Variants in NRXN1 observed in about 807,000 individuals in gnomAD.
NRXN1 encodes the protein neurexin-1.
A neutral mutation model predicts 150.9 loss-of-function variants in NRXN1; 39 were observed. The observed-to-expected ratio is 0.26, with a 90% CI of 0.20 to 0.34. NRXN1 has a LOEUF of 0.34. NRXN1 is among the 10% of genes least tolerant of loss of function. NRXN1 has a pLI of 1.00. For synonymous variants in NRXN1, 924 were observed against 757.0 expected (o/e 1.22, Z -3.62); for missense variants, 1,815 against 1,949.9 (o/e 0.93, Z 1.30).
chr2:50,857,087 T>C (rs1391652961), intron 5 of NRXN1, among the ~76,000 whole-genome samples: 3 of 152,158 alleles, frequency 2.0e-5, no homozygotes, highest in African/African-American at 7.2e-5. Flanking sequence ...ACAGAAGAGC[T>C]TGCATTTTAG....
At chr2:49,945,174 G>C (rs1672672637) in intron 21 of NRXN1, 3 of 152,086 alleles carry the variant, frequency 2.0e-5, no homozygotes, top group African/African-American at 7.2e-5. Flanking sequence ...GAGACAATTG[G>C]GAGAGTTTCT....
intron 5 of NRXN1, among the ~76,000 whole-genome samples, chr2:50,915,750 T>A (rs963205115): frequency 6.6e-5 from 10 of 151,338 alleles, no homozygotes; most frequent in Non-Finnish European, 1.3e-4. Flanking sequence ...TTTAAAATCA[T>A]TTAATCCAAA....
chr2:49,974,025 T>C (rs1302713016), intron 21 of NRXN1: 1 of 717,318 alleles, frequency 1.4e-6, no homozygotes, highest in Non-Finnish European at 2.6e-6. Context: ...CCTGCGTGCT[T>C]AGAGCTTTTT....
chr2:50,084,554 C>G (rs913003239), intron 19 of NRXN1, among the ~76,000 whole-genome samples: 1 of 152,180 alleles, frequency 6.6e-6, no homozygotes, highest in Admixed American at 6.5e-5. Flanking sequence ...GGCCTGCAAG[C>G]GCCGCACGCA....
intron 17 of NRXN1, among the ~76,000 whole-genome samples, chr2:50,391,938 T>C (rs1231856268): frequency 6.6e-6 from 1 of 152,194 alleles, no homozygotes; most frequent in Non-Finnish European, 1.5e-5. Context: ...AAAGAAATCT[T>C]ATGAACAATT....
intron 13 of NRXN1, among the ~76,000 whole-genome samples, chr2:50,501,774 C>T (rs2091962158): frequency 1.3e-5 from 2 of 152,076 alleles, no homozygotes; most frequent in Non-Finnish European, 1.5e-5. Flanking sequence ...AATCTCCTTC[C>T]TTGGGCTTCT....
intron 8 of NRXN1, among the ~76,000 whole-genome samples, chr2:50,565,369 C>T (rs1046915945): frequency 6.6e-6 from 1 of 151,806 alleles, no homozygotes; most frequent in Admixed American, 6.6e-5. Flanking sequence ...AAGATATAAT[C>T]GGTTTATTCA....
At chr2:50,856,988 A>G (rs1675367585) in intron 5 of NRXN1, among the ~76,000 whole-genome samples, 2 of 152,080 alleles carry the variant, frequency 1.3e-5, no homozygotes, top group South Asian at 2.1e-4. Flanking sequence ...GCCCTTTTAC[A>G]TTGCTATCAA....
intron 12 of NRXN1, among the ~76,000 whole-genome samples, chr2:50,513,411 A>AT (rs1357173531): frequency 6.6e-6 from 1 of 152,224 alleles, no homozygotes; most frequent in Admixed American, 6.5e-5. Flanking sequence ...CCAAAGTCAA[A>AT]TTTTTTGGAA....
intron 5 of NRXN1, among the ~76,000 whole-genome samples, chr2:50,884,393 G>A (rs1679912275): frequency 6.6e-6 from 1 of 151,666 alleles, no homozygotes; most frequent in Admixed American, 6.6e-5. Context: ...TACTTAAAAT[G>A]AACTTGAGAA....
chr2:50,910,437 G>C (rs568617670), intron 5 of NRXN1, among the ~76,000 whole-genome samples: 34 of 151,972 alleles, frequency 2.2e-4, no homozygotes, highest in African/African-American at 6.7e-4. Context: ...TTTCAAAGAG[G>C]CCAGATAACT....
chr2:50,089,948 T>C (rs1355996037), intron 19 of NRXN1, among the ~76,000 whole-genome samples: 1 of 152,190 alleles, frequency 6.6e-6, no homozygotes, highest in Non-Finnish European at 1.5e-5. Flanking sequence ...TTCACCTTAT[T>C]GTATATGGTT....
chr2:50,367,551 G>A (rs1157011449), intron 17 of NRXN1, among the ~76,000 whole-genome samples: 1 of 151,966 alleles, frequency 6.6e-6, no homozygotes, highest in East Asian at 1.9e-4. Flanking sequence ...TAAATGATTG[G>A]GGGGTTTGGT....
At chr2:50,070,330 T>C (rs920238530) in intron 19 of NRXN1, among the ~76,000 whole-genome samples, 1 of 152,188 alleles carries the variant, frequency 6.6e-6, no homozygotes, top group Non-Finnish European at 1.5e-5. Context: ...CAAGCCCTTT[T>C]TGTCCAAAGT....
chr2:50,487,777 C>T (rs2090981987), intron 15 of NRXN1, among the ~76,000 whole-genome samples: 1 of 152,182 alleles, frequency 6.6e-6, no homozygotes, highest in South Asian at 2.1e-4. Flanking sequence ...TAGTAAACAA[C>T]TGTAACATTG....
At chr2:51,018,814 A>T (rs1339772034) in intron 2 of NRXN1, among the ~76,000 whole-genome samples, 1 of 152,122 alleles carries the variant, frequency 6.6e-6, no homozygotes, top group African/African-American at 2.4e-5. Context: ...TTTTTCATCA[A>T]AAGGACAAAA....
intron 17 of NRXN1, among the ~76,000 whole-genome samples, chr2:50,389,446 T>A (rs1312764169): frequency 6.6e-6 from 1 of 151,734 alleles, no homozygotes; most frequent in African/African-American, 2.4e-5. Flanking sequence ...ATTTATTGGT[T>A]AATAATAATA....
At chr2:50,620,780 A>G (rs1335369140) in intron 7 of NRXN1, among the ~76,000 whole-genome samples, 3 of 152,262 alleles carry the variant, frequency 2.0e-5, no homozygotes, top group East Asian at 3.9e-4. Context: ...AAGAAAGAAA[A>G]CAGGGAGAAC....
chr2:50,655,609 A>C (rs140081860), intron 5 of NRXN1, among the ~76,000 whole-genome samples: 1 of 151,964 alleles, frequency 6.6e-6, no homozygotes, highest in Non-Finnish European at 1.5e-5. Flanking sequence ...GGTAGGAACA[A>C]ACTACTTATG....
Sources: allele counts gnomAD v4.1 joint callset (sites outside exome capture counted in the v4.1 genomes callset), GRCh38; gene constraint gnomAD v4.1.1; transcripts MANE v1.5; gene names NCBI Gene and HGNC (gene_info 2026-07-23, HGNC 2026-07-21).